The following SRSF10 variants were observed in gnomAD, a reference collection of about 807,000 sequenced individuals.
SRSF10 encodes serine and arginine rich splicing factor 10, also known as serine/arginine-rich splicing factor 10.
A neutral mutation model predicts 32.6 loss-of-function variants in SRSF10; 9 were observed. The ratio of observed to expected loss-of-function variants is 0.28; its 90% CI spans 0.17 to 0.48. SRSF10 has a LOEUF of 0.48. SRSF10 is among the 20% of genes least tolerant of loss of function. SRSF10 has a pLI of 0.99. For missense variants in SRSF10, 201 were observed against 331.8 expected (o/e 0.61, Z 3.06); for synonymous variants, 105 against 112.4 (o/e 0.93, Z 0.42).
chr1:23,974,875 G>T, intron 3 of SRSF10, 99 bp downstream of exon 3: 1 of 855,194 alleles, frequency 1.2e-6, no homozygotes, highest in Non-Finnish European at 1.9e-6. Flanking sequence ...AGATCCCTTT[G>T]GGTTTTGAAC....
rs1641607107 is a variant in SRSF10 at position 23,969,257 on chromosome 1, T to C, written c.*1885A>G. On this transcript the variant is annotated 3_prime_UTR_variant, in exon 6 of 6. Coordinates refer to ENST00000492112, the MANE Select transcript of SRSF10 (RefSeq NM_054016.4). Reference sequence around the variant, plus strand: ...TCTATAAGAAAGAAAATACAAAGTTTAACCCCACAACTTTCCTCTTTGCTA... The same window carrying C: ...TCTATAAGAAAGAAAATACAAAGTTCAACCCCACAACTTTCCTCTTTGCTA... The C allele has an allele frequency of 1.0e-6, 1 of 985,456 alleles. No individual in the cohort carries two copies. Among genetic ancestry groups the C allele is most frequent in the African/African-American group, 1.7e-5 (1 of 57,250 alleles). 61.0% of individuals were successfully genotyped at this position (985,456 alleles called of 1,614,324 possible). A position where few individuals can be genotyped will look rare whatever the true frequency, so the allele number is the denominator to read the frequency against.
In SRSF10 at chr1:23,968,469, G is replaced by C. The variant is rs1641568149; in HGVS notation, c.*2673C>G. 6.6e-6 allele frequency among the ~76,000 whole-genome samples: 1 copy of C among 152,082 alleles called. No individual in the cohort carries two copies. Among genetic ancestry groups the C allele is most frequent in the Non-Finnish European group, 1.5e-5 (1 of 67,986 alleles). On this transcript the variant is annotated 3_prime_UTR_variant, in exon 6 of 6. Transcript: ENST00000492112. ...CTTACAGTCTTTTCTTTGTGCCTCA[G>C]TTTCCTTATCTGTGATATGGGGAAA...
At chr1:23,980,113 A>T in intron 1 of SRSF10, 78 bp downstream of exon 1, 2 of 1,422,510 alleles carry the variant, frequency 1.4e-6, no homozygotes, top group Non-Finnish European at 1.9e-6. Flanking sequence ...CCCCCGGCCC[A>T]GTGCCGCCAC....
Position 23,978,804 on chromosome 1 carries a change from G to C in SRSF10, c.79C>G (p.Arg27Gly). Residue 27 changes from arginine (R) to glycine (G), a missense_variant, in exon 2 of 6, where the codon CGG becomes GGG. Coordinates refer to ENST00000492112, the MANE Select transcript of SRSF10 (RefSeq NM_054016.4). ...VADDTRSEDL[R>G]REFGRYGPIV... ...GGACCATAACGACCAAATTCACGCC[G>C]CAAGTCTTCAGACCTAAAACATCAT... The C allele has an allele frequency of 6.2e-7, 1 of 1,602,876 alleles. No homozygotes were observed. The highest frequency in any genetic ancestry group is 8.5e-7 in the Non-Finnish European group (1 of 1,173,660).
chr1:23,965,566 T>C lies in SRSF10; in HGVS notation c.*5576A>G, dbSNP rs1222301309. 2 of 151,828 alleles carry C rather than the reference T, an allele frequency of 1.3e-5. No homozygotes were observed. The highest frequency in any genetic ancestry group is 2.9e-5 in the Non-Finnish European group (2 of 67,820). 9.4% of individuals were successfully genotyped at this position (151,828 alleles called of 1,614,324 possible). On this transcript the variant is annotated 3_prime_UTR_variant, in exon 6 of 6. Transcript: ENST00000492112. ...GGGAATAATACCCATTTCCCAGGAG[T>C]GTTTTTAGGATTAAATAGAAATATT...
At position 23,969,278 on chromosome 1, in the gene SRSF10, T is replaced by A; in HGVS notation, c.*1864A>T. 1.0e-6 allele frequency: 1 copy of A among 985,628 alleles called. No individual in the cohort carries two copies. The highest frequency in any genetic ancestry group is 1.2e-6 in the Non-Finnish European group (1 of 829,716). The allele number at this position is 985,628 out of a possible 1,614,324, so 61.1% of individuals were successfully genotyped here. A position where few individuals can be genotyped will look rare whatever the true frequency, so the allele number is the denominator to read the frequency against. Reference sequence around the variant, plus strand: ...AGTTTAACCCCACAACTTTCCTCTTTGCTAGAACTGTAAACTACTGCTACA... The same window carrying A: ...AGTTTAACCCCACAACTTTCCTCTTAGCTAGAACTGTAAACTACTGCTACA... On this transcript the variant is annotated 3_prime_UTR_variant, in exon 6 of 6. Transcript: ENST00000492112.
chr1:23,976,974 A>T (rs2148510681), intron 2 of SRSF10: 1 of 152,296 alleles, frequency 6.6e-6, no homozygotes, highest in Middle Eastern at 3.4e-3. Flanking sequence ...CACACTCTTG[A>T]ATCAAACTAC....
Sources: gnomAD v4.1 joint callset for allele counts (sites outside exome capture counted in the v4.1 genomes callset) on GRCh38, gnomAD v4.1.1 for gene constraint, MANE v1.5 for transcripts, NCBI Gene and HGNC (gene_info 2026-07-23, HGNC 2026-07-21) for gene names.